The following TOPBP1 variants were observed in gnomAD, a reference collection of about 807,000 sequenced individuals.
TOPBP1 encodes the protein DNA topoisomerase II binding protein 1, also known as DNA topoisomerase 2-binding protein 1.
Under a neutral mutation model 167.7 loss-of-function variants are expected in TOPBP1, and 28 were observed. The ratio of observed to expected loss-of-function variants is 0.17; its 90% confidence interval spans 0.12 to 0.23. The LOEUF (loss-of-function observed/expected upper bound fraction) is 0.23, where lower values mean the gene tolerates loss of function less well. TOPBP1 is among the 10% of genes least tolerant of loss of function. The probability of loss-of-function intolerance (pLI) is 1.00; values close to 1 mark genes in which losing one functional copy is unlikely to be tolerated. For missense variants in TOPBP1, 1,554 were observed against 1,809.6 expected, an observed-to-expected ratio of 0.86 and a Z score of 2.56; for synonymous variants, 598 against 611.4, an observed-to-expected ratio of 0.98 and a Z score of 0.32.
rs150463579 is a variant in TOPBP1, at chr3:133,638,838, T to A, written c.2234-676A>T. Among the ~76,000 whole-genome samples, 7 of 152,344 alleles carry A rather than the reference T, an allele frequency of 4.6e-5. No homozygotes were observed. In the East Asian group the frequency reaches 1.3e-3, roughly 29 times the overall value. ...GATAGCTACTCCATGCCAGGCCTAGTGTTAGACATGGGAAATACAGAATTC... is the reference window on the plus strand; with the variant it reads ...GATAGCTACTCCATGCCAGGCCTAGAGTTAGACATGGGAAATACAGAATTC... On this transcript the variant is annotated intron_variant, in intron 13 of 27. Transcript: ENST00000260810.
At chr3:133,653,951 A>G (rs1317054180) in intron 6 of TOPBP1, among the ~76,000 whole-genome samples, 4 of 152,106 alleles carry the variant, frequency 2.6e-5, no homozygotes, top group African/African-American at 9.7e-5. Context: ...TATTTCAAAA[A>G]CCTATCAACA....
intron 27 of TOPBP1, among the ~76,000 whole-genome samples, chr3:133,604,392 C>T (rs1472503217): frequency 1.3e-5 from 2 of 151,772 alleles, no homozygotes; most frequent in Admixed American, 1.3e-4. Context: ...CCACCTCAGC[C>T]TCCTAAACTG....
chr3:133,622,963 G>A, intron 19 of TOPBP1, 128 bp downstream of exon 19: 1 of 558,074 alleles, frequency 1.8e-6, no homozygotes, highest in Non-Finnish European at 3.1e-6. Flanking sequence ...TGGCTCACAA[G>A]GCAGGAGGAT....
At chr3:133,640,395 A>G (rs1559824699) in intron 12 of TOPBP1, among the ~76,000 whole-genome samples, 3 of 152,214 alleles carry the variant, frequency 2.0e-5, no homozygotes, top group Non-Finnish European at 4.4e-5. Context: ...AAACATAATT[A>G]GACATGCAAA....
At chr3:133,630,155 G>A (rs558279576) in intron 14 of TOPBP1, among the ~76,000 whole-genome samples, 1 of 151,780 alleles carries the variant, frequency 6.6e-6, no homozygotes, top group African/African-American at 2.4e-5. Flanking sequence ...TTTCTACTGG[G>A]TTGTTAGTCT....
Position 133,628,705 on chromosome 3 carries a change from C to T in TOPBP1, c.2549G>A (p.Gly850Glu). 6.4e-7 allele frequency: 1 copy of T among 1,553,514 alleles called. No homozygotes were observed. Residue 850 changes from glycine (G) to glutamate (E), a missense_variant, in exon 15 of 28, where the codon GGA (glycine) becomes GAA (glutamate). Physicochemically the swap from Gly to Glu is moderately conservative, Grantham distance 98 (BLOSUM62 -2). This residue lies in a region of TOPBP1 where 1,197 missense variants were observed against 1,351.5 expected (regional missense o/e 0.89). Coordinates refer to ENST00000260810, the MANE Select transcript of TOPBP1 (RefSeq NM_007027.4). ...TTTCCTTTTCTGTTGGCTGGGACGT[C>T]CTGGAGTTTCCAAGGCTGCAAGTGC... The part of the protein sequence containing the change: ...KDALAALETP[G>E]RPSQQKRKPS...
chr3:133,642,465 T>C (rs1282075898), intron 12 of TOPBP1, among the ~76,000 whole-genome samples: 1 of 152,258 alleles, frequency 6.6e-6, no homozygotes, highest in Admixed American at 6.5e-5. Flanking sequence ...ATGCCAGAGT[T>C]GTACTAAAGT....
chr3:133,645,790 T>C (rs1005295008), intron 10 of TOPBP1, among the ~76,000 whole-genome samples: 3 of 152,128 alleles, frequency 2.0e-5, no homozygotes, highest in Non-Finnish European at 2.9e-5. Context: ...AGCAGTAGGA[T>C]CTCTTTTCAA....
Position 133,652,692 on chromosome 3 carries a change from A to G in TOPBP1, c.923-63T>C, listed in dbSNP as rs1936345722. The G allele has an allele frequency of 5.1e-6, 7 of 1,361,480 alleles. No homozygotes were observed. The Admixed American group carries it at 1.4e-4, about 27-fold the overall frequency. 84.3% of individuals were successfully genotyped at this position (1,361,480 alleles called of 1,614,324 possible). ...AAATAATCATGATTACATATTGTCT[A>G]TGGATTAACTTTTCTTACAAATATA... On this transcript the variant is annotated intron_variant, in intron 7 of 27. Transcript: ENST00000260810.
At position 133,655,322 on chromosome 3, in the gene TOPBP1, T is replaced by C; in HGVS notation, c.710A>G (p.Glu237Gly). The C allele has an allele frequency of 6.4e-7, 1 of 1,566,698 alleles. No homozygotes were observed. The highest frequency in any genetic ancestry group is 8.6e-7 in the Non-Finnish European group (1 of 1,157,264). The change falls in exon 6 of 28, where the codon GAA becomes GGA. Residue 237 changes from glutamate (E) to glycine (G), a missense_variant. This residue lies in a region of TOPBP1 where 1,197 missense variants were observed against 1,351.5 expected (regional missense o/e 0.89). Transcript: ENST00000260810. The part of the protein sequence containing the change: ...GQYMGQLKMN[E>G]CTHLIVQEPK... Reference sequence around the variant, plus strand: ...TTCTTGCACAATGAGGTGTGTACATTCATTCATTTTCAATTGTCCCATGTA... The same window carrying C: ...TTCTTGCACAATGAGGTGTGTACATCCATTCATTTTCAATTGTCCCATGTA...
At chr3:133,606,356 G>A (rs2107767761) in intron 27 of TOPBP1, among the ~76,000 whole-genome samples, 1 of 152,166 alleles carries the variant, frequency 6.6e-6, no homozygotes, top group South Asian at 2.1e-4. Flanking sequence ...ACCACAAAAT[G>A]TTGCTGAGAG....
chr3:133,617,163 T>G lies in TOPBP1; in HGVS notation c.3756A>C (p.Glu1252Asp). The change falls in exon 22 of 28, where the codon GAA (glutamate) becomes GAC (aspartate). Residue 1252 changes from glutamate (E) to aspartate (D), a missense_variant. By Grantham distance (45) the Glu-to-Asp change is conservative. Coordinates refer to ENST00000260810, the MANE Select transcript of TOPBP1 (RefSeq NM_007027.4). ...ANPPVAPHPREKIITIEETHE... is the reference protein window; with the variant it reads ...ANPPVAPHPRDKIITIEETHE... The stretch of plus-strand genomic sequence containing the variant: ...ACCATATTAAGGATCAACAAACCTT[T>G]TCTCTAGGGTGCGGAGCCACAGGGG... 6.2e-7 allele frequency: 1 copy of G among 1,603,418 alleles called. No homozygotes were observed. The highest frequency in any genetic ancestry group is 1.7e-4 in the Middle Eastern group (1 of 5,970).
intron 19 of TOPBP1, among the ~76,000 whole-genome samples, chr3:133,622,185 G>GC (rs765836012): frequency 9.4e-6 from 1 of 106,448 alleles, no homozygotes; most frequent in Non-Finnish European, 1.8e-5. Flanking sequence ...CACCATTTAT[G>GC]TTTTTTTTTT....
intron 5 of TOPBP1, 114 bp from the exon 6 acceptor site, chr3:133,655,600 T>C: frequency 1.7e-6 from 1 of 579,770 alleles, no homozygotes; most frequent in Non-Finnish European, 2.7e-6. Context: ...TAATCTTTTT[T>C]TTACAAAGGA....
At chr3:133,603,103 C>A (rs1934366823) in intron 27 of TOPBP1, among the ~76,000 whole-genome samples, 1 of 151,962 alleles carries the variant, frequency 6.6e-6, no homozygotes, top group Admixed American at 6.6e-5. Context: ...ACCATATTGG[C>A]CAGGCTGGTC....
At chr3:133,652,684 T>C in intron 7 of TOPBP1, 55 bp from the exon 8 acceptor site, 1 of 1,412,064 alleles carries the variant, frequency 7.1e-7, no homozygotes, top group South Asian at 1.3e-5. Context: ...CATGATTACA[T>C]ATTGTCTATG....
intron 25 of TOPBP1, among the ~76,000 whole-genome samples, chr3:133,610,356 GT>G (rs1400260387): frequency 9.9e-5 from 15 of 152,258 alleles, no homozygotes; most frequent in South Asian, 2.1e-4. Flanking sequence ...ATACACAGAA[GT>G]TTGTCTTTGA....
Position 133,653,511 on chromosome 3 carries a change from C to A in TOPBP1, c.756G>T (p.Glu252Asp). Residue 252 changes from glutamate to aspartate, a missense_variant, in exon 7 of 28, where the codon GAG (glutamate) becomes GAT (aspartate). By Grantham distance (45) the Glu-to-Asp change is conservative. Around this residue, in one of 3 missense-constraint regions of TOPBP1, gnomAD observed 1,197 missense variants for 1,351.5 expected, o/e 0.89. Coordinates refer to ENST00000260810, the MANE Select transcript of TOPBP1 (RefSeq NM_007027.4). ...AGTGTACATTCCATCTCTTGGCACA[C>A]TCATACTTCTGACCTGTGGCGTTCA... Reference protein sequence around the residue: ...IVQEPKGQKYECAKRWNVHCV... With the variant: ...IVQEPKGQKYDCAKRWNVHCV... 1 of 1,586,058 alleles carries A rather than the reference C, an allele frequency of 6.3e-7. No individual in the cohort carries two copies. Among genetic ancestry groups the A allele is most frequent in the Non-Finnish European group, 8.6e-7 (1 of 1,169,524 alleles).
At chr3:133,630,579 T>G (rs1323784572) in intron 14 of TOPBP1, among the ~76,000 whole-genome samples, 8 of 151,798 alleles carry the variant, frequency 5.3e-5, no homozygotes, top group African/African-American at 1.9e-4. Context: ...ATTACAGGTG[T>G]GAGTCACGGT....
Sources: allele counts gnomAD v4.1 joint callset (sites outside exome capture counted in the v4.1 genomes callset), GRCh38; gene constraint gnomAD v4.1.1; regional missense constraint gnomAD v4.1.1; transcripts MANE v1.5; gene names NCBI Gene and HGNC (gene_info 2026-07-23, HGNC 2026-07-21).